HAVCR2: variants seen among roughly 807,000 people sequenced by gnomAD.
HAVCR2 encodes the protein T cell immunoglobulin mucin 3.
HAVCR2 carries 13 observed loss-of-function variants against 24.7 expected under a neutral mutation model. That is an observed-to-expected ratio of 0.53 (90% CI 0.34 to 0.84). The LOEUF is 0.84. HAVCR2 is among the 40% of genes least tolerant of loss of function. The pLI, the probability that HAVCR2 is intolerant of heterozygous loss-of-function variation, is 0.01. For synonymous variants in HAVCR2, 154 were observed against 143.4 expected (o/e 1.07, Z -0.53); for missense variants, 343 against 371.2 (o/e 0.92, Z 0.62).
In HAVCR2 at chr5:157,102,449, T is replaced by A. The variant is rs1171495392; in HGVS notation, c.478+2217A>T. Reference sequence around the variant, plus strand: ...AGCAGCCAATTTACATAATGTTACATATTATAGACAAACCATTAAATATTC... The same window carrying A: ...AGCAGCCAATTTACATAATGTTACAAATTATAGACAAACCATTAAATATTC... On this transcript the variant is annotated intron_variant, in intron 3 of 6. Transcript: ENST00000307851. Among the ~76,000 whole-genome samples the A allele has an allele frequency of 2.0e-5, 3 of 152,232 alleles. No homozygotes were observed. The South Asian group carries it at 6.2e-4, about 32-fold the overall frequency.
At chr5:157,104,820 G>T in intron 2 of HAVCR2, 71 bp from the exon 3 acceptor site, 1 of 1,110,250 alleles carries the variant, frequency 9.0e-7, no homozygotes. Flanking sequence ...AATCAAAGGG[G>T]CAGCAAGAAA....
At chr5:157,103,214 G>GA (rs905416373) in intron 3 of HAVCR2, among the ~76,000 whole-genome samples, 15 of 151,404 alleles carry the variant, frequency 9.9e-5, no homozygotes, top group African/African-American at 3.6e-4. Context: ...ATACAAAAAA[G>GA]AAAAAAATTA....
rs1422640737 is a variant in HAVCR2, at chr5:157,088,930, A to G, written c.713+11T>C. 2.5e-6 allele frequency: 4 copies of G among 1,608,220 alleles called. No individual in the cohort carries two copies. Among genetic ancestry groups the G allele is most frequent in the Non-Finnish European group, 2.6e-6 (3 of 1,176,176 alleles). On this transcript the variant is annotated intron_variant, in intron 6 of 6. Transcript: ENST00000307851. Reference sequence around the variant, plus strand: ...TCTCACCTTTTCCCAACCCCATTCCATTATTCTTACCTTAAATTCTGTATC... The same window carrying G: ...TCTCACCTTTTCCCAACCCCATTCCGTTATTCTTACCTTAAATTCTGTATC...
At chr5:157,102,934 C>CAAAAAA (rs34491013) in intron 3 of HAVCR2, among the ~76,000 whole-genome samples, 1 of 119,410 alleles carries the variant, frequency 8.4e-6, no homozygotes, top group Non-Finnish European at 1.7e-5. Flanking sequence ...GACTCCGTCT[C>CAAAAAA]AAAAAAAAAA....
chr5:157,092,203 A>G (rs912101027), intron 5 of HAVCR2, among the ~76,000 whole-genome samples: 3 of 150,712 alleles, frequency 2.0e-5, no homozygotes, highest in Admixed American at 6.6e-5. Flanking sequence ...TCTAATATAT[A>G]TAATAGTAAA....
chr5:157,089,017 T>C (rs1463284278), intron 5 of HAVCR2, 40 bp from the exon 6 acceptor site: 1 of 1,558,226 alleles, frequency 6.4e-7, no homozygotes, highest in Admixed American at 1.8e-5. Context: ...AATGCATTCA[T>C]AAAATAAATG....
chr5:157,087,270 AG>A lies in HAVCR2; in HGVS notation c.737del (p.Pro246LeufsTer9), dbSNP rs1756926837. 1 of 1,610,586 alleles carries A rather than the reference AG, an allele frequency of 6.2e-7. No homozygotes were observed. The highest frequency in any genetic ancestry group is 8.5e-7 in the Non-Finnish European group (1 of 1,179,254). On this transcript the variant is annotated frameshift_variant, in exon 7 of 7. Transcript: ENST00000307851. LOFTEE classifies it low-confidence loss of function (END_TRUNC). ...NLSLISLANL[P>X]PSGLANAVAE... Reference sequence around the variant, plus strand: ...CTACTGCATTTGCCAATCCTGAGGGAGGGAGGTTGGCCAAAGAGATGAGGCT... The same window carrying A: ...CTACTGCATTTGCCAATCCTGAGGGAGGAGGTTGGCCAAAGAGATGAGGCT...
chr5:157,087,889 C>A (rs1265395376), intron 6 of HAVCR2, among the ~76,000 whole-genome samples: 1 of 147,710 alleles, frequency 6.8e-6, no homozygotes, highest in African/African-American at 2.5e-5. Context: ...GGTGACAGAG[C>A]CAGACTCCGT....
Position 157,086,855 on chromosome 5 carries a change from A to G in HAVCR2, c.*247T>C. 1 of 442,912 alleles carries G rather than the reference A, an allele frequency of 2.3e-6. No individual in the cohort carries two copies. The highest frequency in any genetic ancestry group is 4.0e-6 in the Non-Finnish European group (1 of 252,102). 27.4% of individuals were successfully genotyped at this position (442,912 alleles called of 1,614,324 possible). On this transcript the variant is annotated 3_prime_UTR_variant, in exon 7 of 7. Transcript: ENST00000307851. Reference sequence around the variant, plus strand: ...CCTAGTGTATATAAAAGCCCGTTTGAGCTCTAACATCCATGATTAACAGTC... The same window carrying G: ...CCTAGTGTATATAAAAGCCCGTTTGGGCTCTAACATCCATGATTAACAGTC...
At chr5:157,089,933 T>C (rs1298564155) in intron 5 of HAVCR2, among the ~76,000 whole-genome samples, 1 of 152,110 alleles carries the variant, frequency 6.6e-6, no homozygotes, top group East Asian at 1.9e-4. Context: ...AGGGCAGAGA[T>C]GTGATCCTTA....
chr5:157,086,222 T>G lies in HAVCR2; in HGVS notation c.*880A>C, dbSNP rs1756910589. ...TCTCAGCCCTGCAGGGCAGTCTTCA[T>G]AAGGGAGACAAAAGAAGGGCTATGC... is the stretch of plus-strand genomic sequence containing the variant. On this transcript the variant is annotated 3_prime_UTR_variant, in exon 7 of 7. Transcript: ENST00000307851. The G allele has an allele frequency of 6.6e-6, 1 of 152,178 alleles. No homozygotes were observed. The highest frequency in any genetic ancestry group is 2.1e-4 in the South Asian group (1 of 4,820). 9.4% of individuals were successfully genotyped at this position (152,178 alleles called of 1,614,324 possible).
intron 6 of HAVCR2, among the ~76,000 whole-genome samples, chr5:157,087,764 C>G (rs767035660): frequency 6.6e-6 from 1 of 151,774 alleles, no homozygotes; most frequent in African/African-American, 2.4e-5. Flanking sequence ...AATTAGCCAG[C>G]GTGGTGGCAT....
intron 5 of HAVCR2, among the ~76,000 whole-genome samples, chr5:157,094,795 C>T (rs978899393): frequency 1.3e-5 from 2 of 152,076 alleles, no homozygotes; most frequent in African/African-American, 4.8e-5. Context: ...TAACCCCAGT[C>T]ACGACCCAGT....
intron 4 of HAVCR2, among the ~76,000 whole-genome samples, chr5:157,098,427 T>C (rs975101962): frequency 7.4e-5 from 11 of 149,256 alleles, no homozygotes; most frequent in Non-Finnish European, 1.3e-4. Flanking sequence ...AAAAAAAACC[T>C]CTTCACTTTG....
At chr5:157,089,913 A>G (rs886666443) in intron 5 of HAVCR2, among the ~76,000 whole-genome samples, 2 of 152,090 alleles carry the variant, frequency 1.3e-5, no homozygotes, top group African/African-American at 4.8e-5. Flanking sequence ...GAAACCTTAG[A>G]TTTCCTTGAA....
intron 4 of HAVCR2, among the ~76,000 whole-genome samples, chr5:157,098,187 A>C (rs1281083385): frequency 6.6e-6 from 1 of 152,058 alleles, no homozygotes; most frequent in East Asian, 1.9e-4. Flanking sequence ...CAGGTGGATC[A>C]CCTGAGGTCA....
At chr5:157,108,607 A>C (rs1316918815) in intron 1 of HAVCR2, among the ~76,000 whole-genome samples, 1 of 152,234 alleles carries the variant, frequency 6.6e-6, no homozygotes, top group Non-Finnish European at 1.5e-5. Flanking sequence ...GAGCTTATAC[A>C]TTAAGAAATG....
At chr5:157,102,740 G>C (rs1448022786) in intron 3 of HAVCR2, among the ~76,000 whole-genome samples, 1 of 151,726 alleles carries the variant, frequency 6.6e-6, no homozygotes, top group African/African-American at 2.4e-5. Context: ...TTCGAGACCA[G>C]CATGGCCACC....
chr5:157,106,938 G>A lies in HAVCR2; in HGVS notation c.83C>T (p.Ala28Val), dbSNP rs147605860. The change falls in exon 2 of 7, where the codon GCG becomes GTG. Residue 28 changes from alanine to valine, a missense_variant. Physicochemically the swap from Ala to Val is moderately conservative, Grantham distance 64. Coordinates refer to ENST00000307851, the MANE Select transcript of HAVCR2 (RefSeq NM_032782.5). ...LTRSSEVEYR[A>V]EVGQNAYLPC... ...CAGATAGGCATTCTGACCGACCTCC[G>A]CTCTGTATTCCACTTCTGAGGACCC... 51 of 1,613,790 alleles carry A rather than the reference G, an allele frequency of 3.2e-5. No homozygotes were observed. The highest frequency in any genetic ancestry group is 2.3e-4 in the African/African-American group (17 of 75,034).
Sources: gnomAD v4.1 joint callset for allele counts (sites outside exome capture counted in the v4.1 genomes callset) on GRCh38, gnomAD v4.1.1 for gene constraint, MANE v1.5 for transcripts, NCBI Gene and HGNC (gene_info 2026-07-23, HGNC 2026-07-21) for gene names.